The following PDXDC1 variants were observed in gnomAD, a reference collection of about 807,000 sequenced individuals.
PDXDC1 encodes pyridoxal-dependent decarboxylase domain-containing protein 1.
A neutral mutation model predicts 100.1 loss-of-function variants in PDXDC1; 42 were observed. The ratio of observed to expected loss-of-function variants is 0.42; its 90% CI spans 0.33 to 0.54. The LOEUF (loss-of-function observed/expected upper bound fraction) is 0.54, where lower values mean the gene tolerates loss of function less well. PDXDC1 is among the 20% of genes least tolerant of loss of function. The pLI, the probability that PDXDC1 is intolerant of heterozygous loss-of-function variation, is 0.10. For missense variants in PDXDC1, 636 were observed against 979.2 expected, an observed-to-expected ratio of 0.65 and a Z score of 4.68; for synonymous variants, 260 against 371.7, an observed-to-expected ratio of 0.70 and a Z score of 3.46.
chr16:15,047,296 C>T, intron 16 of PDXDC1: 1 of 640,718 alleles, frequency 1.6e-6, no homozygotes, highest in South Asian at 1.8e-5. Context: ...ACGCAGTGCC[C>T]ACGTCGTGCC....
intron 16 of PDXDC1, chr16:15,125,442 G>A (rs1427931945): frequency 7.0e-6 from 6 of 862,646 alleles, no homozygotes; most frequent in Non-Finnish European, 9.9e-6. Flanking sequence ...CACGTGGTGT[G>A]ACCACATGGA....
At chr16:15,134,067 G>C (rs1251095619) in intron 16 of PDXDC1, 2 of 1,571,760 alleles carry the variant, frequency 1.3e-6, no homozygotes, top group Admixed American at 1.7e-5. Flanking sequence ...CGTACGTGCA[G>C]CCCACCGCTG....
intron 16 of PDXDC1, among the ~76,000 whole-genome samples, chr16:15,056,322 C>A (rs1461070839): frequency 6.6e-5 from 10 of 152,212 alleles, no homozygotes; most frequent in Non-Finnish European, 1.5e-4. Flanking sequence ...AGCAGCTGCA[C>A]CAGCCAAGAG....
chr16:15,031,912 G>C lies in PDXDC1; in HGVS notation c.1571+6G>C. The C allele has an allele frequency of 6.3e-7, 1 of 1,592,068 alleles. No individual in the cohort carries two copies. Among genetic ancestry groups the C allele is most frequent in the South Asian group, 1.1e-5 (1 of 89,034 alleles). On this transcript the variant is annotated splice_donor_region_variant and intron_variant, in intron 17 of 22. Coordinates refer to ENST00000396410, the MANE Select transcript of PDXDC1 (RefSeq NM_015027.4). ...TCTGGAATAGGGGTTGTCAGGTAAA[G>C]TCTTGGCCTGCCGCTTGATGTTGGA...
chr16:15,086,908 C>G (rs1020090926), intron 16 of PDXDC1, among the ~76,000 whole-genome samples: 1 of 152,178 alleles, frequency 6.6e-6, no homozygotes, highest in Non-Finnish European at 1.5e-5. Context: ...ATAAACATAA[C>G]TTTTCTAAAC....
intron 16 of PDXDC1, among the ~76,000 whole-genome samples, chr16:15,084,037 T>C (rs567731039): frequency 4.6e-5 from 7 of 152,324 alleles, no homozygotes; most frequent in African/African-American, 1.7e-4. Context: ...TTACAATGTA[T>C]AGCTTCTGAG....
intron 6 of PDXDC1, 65 bp downstream of exon 6, chr16:15,006,648 G>A: frequency 1.4e-6 from 2 of 1,447,704 alleles, no homozygotes; most frequent in Non-Finnish European, 1.8e-6. Flanking sequence ...AAGTTTTAAA[G>A]TTGACCCGTT....
chr16:15,064,266 C>T (rs891249839), intron 16 of PDXDC1, among the ~76,000 whole-genome samples: 10 of 152,064 alleles, frequency 6.6e-5, no homozygotes, highest in African/African-American at 2.4e-4. Context: ...ACCTCCACCT[C>T]CCGGGTTCAA....
chr16:15,130,205 A>C (rs1598231676), intron 16 of PDXDC1: 2 of 1,550,106 alleles, frequency 1.3e-6, no homozygotes, highest in Admixed American at 2.0e-5. Flanking sequence ...CACTCACAGG[A>C]AACACAAAGC....
chr16:15,085,641 T>A (rs2045887762), intron 16 of PDXDC1: 1 of 1,612,960 alleles, frequency 6.2e-7, no homozygotes, highest in Non-Finnish European at 8.5e-7. Context: ...ATACTTACTA[T>A]CATCTTCATC....
At chr16:15,035,235 C>T (rs7404466) in intron 21 of PDXDC1, among the ~76,000 whole-genome samples, 117,047 of 152,138 alleles carry the variant, frequency 0.77, 46,098 homozygotes, top group Admixed American at 0.86. Context: ...GGTGTGCTTA[C>T]GCCATACTGC....
intron 16 of PDXDC1, chr16:15,086,571 T>TTG: frequency 6.8e-7 from 1 of 1,472,782 alleles, no homozygotes; most frequent in South Asian, 1.3e-5. Context: ...GGTCACAAAC[T>TTG]TGGAAGGAAC....
At chr16:15,090,602 A>G (rs1009817533) in intron 16 of PDXDC1, among the ~76,000 whole-genome samples, 80 of 152,354 alleles carry the variant, frequency 5.3e-4, no homozygotes, top group African/African-American at 1.8e-3. Flanking sequence ...TCTCTTAAAA[A>G]CAAAACACTC....
chr16:15,085,644 T>C (rs1458799458), intron 16 of PDXDC1: 3 of 1,613,128 alleles, frequency 1.9e-6, no homozygotes, highest in African/African-American at 1.3e-5. Context: ...CTTACTATCA[T>C]CTTCATCATC....
intron 16 of PDXDC1, among the ~76,000 whole-genome samples, chr16:15,077,153 A>AT (rs1162166195): frequency 6.6e-6 from 1 of 151,372 alleles, no homozygotes; most frequent in African/African-American, 2.4e-5. Flanking sequence ...CTAATTTTGT[A>AT]TTTTTAGTAG....
At chr16:15,007,746 C>G (rs1377801771) in intron 6 of PDXDC1, among the ~76,000 whole-genome samples, 1 of 152,278 alleles carries the variant, frequency 6.6e-6, no homozygotes, top group East Asian at 1.9e-4. Context: ...TAATAATCCT[C>G]TGAAACGTGA....
chr16:15,141,767 G>T (rs539031318), downstream of PDXDC1, among the ~76,000 whole-genome samples: 1 of 152,350 alleles, frequency 6.6e-6, no homozygotes, highest in South Asian at 2.1e-4. Context: ...GGTGGGACAG[G>T]GTGGCGGCTG....
At chr16:15,018,601 ACTGGCTTTTC>A (rs1365017535) in intron 11 of PDXDC1, among the ~76,000 whole-genome samples, 2 of 152,260 alleles carry the variant, frequency 1.3e-5, no homozygotes, top group African/African-American at 2.4e-5. Flanking sequence ...TGGGTTTTCC[ACTGGCTTTTC>A]CTGGCTTTGC....
intron 1 of PDXDC1, among the ~76,000 whole-genome samples, chr16:14,990,844 G>T (rs1354606368): frequency 6.6e-6 from 1 of 152,284 alleles, no homozygotes; most frequent in Non-Finnish European, 1.5e-5. Context: ...GGGTTCAAGC[G>T]ATTCTCCTGC....
Sources: gnomAD v4.1 joint callset for allele counts (sites outside exome capture counted in the v4.1 genomes callset) on GRCh38, gnomAD v4.1.1 for gene constraint, MANE v1.5 for transcripts, NCBI Gene and HGNC (gene_info 2026-07-23, HGNC 2026-07-21) for gene names.